Variants in DIP2B observed in about 807,000 individuals in gnomAD.
DIP2B encodes the protein disco-interacting protein 2 homolog B.
DIP2B carries 76 observed loss-of-function variants against 198.0 expected under a neutral mutation model. The observed-to-expected ratio is 0.38, with a 90% CI of 0.32 to 0.46. The LOEUF is 0.46. Among genes scored for constraint, DIP2B ranks in the 20% least tolerant of loss-of-function variants. The probability of loss-of-function intolerance (pLI) is 0.99; values close to 1 mark genes in which losing one functional copy is unlikely to be tolerated. For synonymous variants in DIP2B, 701 were observed against 739.1 expected (o/e 0.95, Z 0.84); for missense variants, 1,559 against 1,978.4 (o/e 0.79, Z 4.02).
At chr12:50,596,080 C>T (rs1474502658) in intron 1 of DIP2B, among the ~76,000 whole-genome samples, 1 of 152,138 alleles carries the variant, frequency 6.6e-6, no homozygotes, top group Non-Finnish European at 1.5e-5. Context: ...TCTGAGAAGT[C>T]CATGGCTGTA....
chr12:50,721,217 T>C (rs1939830059), intron 25 of DIP2B, 56 bp from the exon 26 acceptor site: 8 of 1,591,678 alleles, frequency 5.0e-6, no homozygotes, highest in Non-Finnish European at 6.8e-6. Context: ...GCTGTGCTTA[T>C]TACTGTTTAT....
chr12:50,506,563 G>A (rs1957970245), intron 1 of DIP2B, among the ~76,000 whole-genome samples: 1 of 151,914 alleles, frequency 6.6e-6, no homozygotes, highest in Admixed American at 6.6e-5. Flanking sequence ...CTATCAACAT[G>A]TTATTTTTCA....
chr12:50,538,222 G>A (rs947953362), intron 1 of DIP2B, among the ~76,000 whole-genome samples: 1 of 151,968 alleles, frequency 6.6e-6, no homozygotes, highest in Non-Finnish European at 1.5e-5. Flanking sequence ...TCTCTAATAA[G>A]AAGAAGAGGA....
At chr12:50,598,978 A>T (rs1958912192) in intron 1 of DIP2B, among the ~76,000 whole-genome samples, 1 of 64,222 alleles carries the variant, frequency 1.6e-5, no homozygotes, top group Non-Finnish European at 2.8e-5. Context: ...GGGTCAACAC[A>T]TATAAACATT....
At chr12:50,632,438 CA>C (rs1427896668) in intron 2 of DIP2B, among the ~76,000 whole-genome samples, 1 of 139,252 alleles carries the variant, frequency 7.2e-6, no homozygotes, top group Non-Finnish European at 1.5e-5. Context: ...GAGATTGTGC[CA>C]CTGCACTCCA....
chr12:50,647,674 T>C (rs2731437), intron 3 of DIP2B, among the ~76,000 whole-genome samples: 146,227 of 152,276 alleles, frequency 0.96, 70,487 homozygotes, highest in East Asian at 1. Flanking sequence ...ACACATTTGC[T>C]TTTCAGTCAC....
chr12:50,614,953 C>CT (rs540557585), intron 1 of DIP2B, among the ~76,000 whole-genome samples: 11 of 152,252 alleles, frequency 7.2e-5, no homozygotes, highest in African/African-American at 2.4e-4. Context: ...AAAGCTTTCA[C>CT]TTTTTTTGCG....
intron 1 of DIP2B, among the ~76,000 whole-genome samples, chr12:50,593,901 C>T (rs1160443269): frequency 4.1e-5 from 2 of 48,860 alleles, no homozygotes; most frequent in Admixed American, 2.6e-4. Flanking sequence ...CCTCCCCTCT[C>T]CTCCCCTCCC....
intron 4 of DIP2B, among the ~76,000 whole-genome samples, chr12:50,662,653 A>AT (rs1334833598): frequency 6.6e-6 from 1 of 152,204 alleles, no homozygotes; most frequent in Non-Finnish European, 1.5e-5. Flanking sequence ...TAACCCAGCG[A>AT]TGTGGAATAG....
intron 1 of DIP2B, among the ~76,000 whole-genome samples, chr12:50,513,027 A>G (rs1484230491): frequency 6.6e-6 from 1 of 152,112 alleles, no homozygotes; most frequent in Non-Finnish European, 1.5e-5. Flanking sequence ...ACAAAAAGGA[A>G]TGACACCCTC....
At position 50,535,400 on chromosome 12, in the gene DIP2B, G is replaced by A. The variant is rs914074806; in HGVS notation, c.100+30160G>A. 2.7e-5 allele frequency among the ~76,000 whole-genome samples: 4 copies of A among 145,656 alleles called. No individual in the cohort carries two copies. The South Asian group carries it at 6.4e-4, about 23-fold the overall frequency. ...TTTTTTTTTTTTGAAACAGAGTCTC[G>A]CTGTCACCCAGGCTGGAGTGCAGTG... On this transcript the variant is annotated intron_variant, in intron 1 of 37. Transcript: ENST00000301180.
chr12:50,671,459 G>A, intron 5 of DIP2B, 61 bp downstream of exon 5: 1 of 1,552,338 alleles, frequency 6.4e-7, no homozygotes, highest in Non-Finnish European at 8.9e-7. Flanking sequence ...CAGTATCCAG[G>A]AAATAGTTTA....
intron 21 of DIP2B, among the ~76,000 whole-genome samples, chr12:50,707,151 T>C (rs1224873699): frequency 2.6e-5 from 4 of 152,234 alleles, no homozygotes; most frequent in Non-Finnish European, 5.9e-5. Flanking sequence ...ATTAGATATC[T>C]TTTTTCTTTG....
At position 50,505,119 on chromosome 12, in the gene DIP2B, G is replaced by A; in HGVS notation, c.-22G>A. The stretch of plus-strand genomic sequence containing the variant: ...CTTCGGCCCCCTCTCTTGTCTTCCG[G>A]AGTGTGGCTGGCGGAGCTGGGATGG... On this transcript the variant is annotated 5_prime_UTR_variant, in exon 1 of 38. Coordinates refer to ENST00000301180, the MANE Select transcript of DIP2B (RefSeq NM_173602.3). 6.5e-7 allele frequency: 1 copy of A among 1,530,408 alleles called. No individual in the cohort carries two copies. Among genetic ancestry groups the A allele is most frequent in the Non-Finnish European group, 8.8e-7 (1 of 1,142,812 alleles). The allele number at this position is 1,530,408 out of a possible 1,614,324, so 94.8% of individuals were successfully genotyped here.
intron 1 of DIP2B, among the ~76,000 whole-genome samples, chr12:50,617,159 C>CT (rs63059261): frequency 0.065 from 9,284 of 142,748 alleles, 677 homozygotes; most frequent in East Asian, 0.35. Context: ...GATCTTTTTG[C>CT]TTTTTTTTTT....
chr12:50,604,304 C>T lies in DIP2B; in HGVS notation c.101-21672C>T, dbSNP rs115069919. Reference sequence around the variant, plus strand: ...TGTTGGCAGCATGCAAGCATATATCCAACCTCATTTCATTTTCTTGTGAGC... The same window carrying T: ...TGTTGGCAGCATGCAAGCATATATCTAACCTCATTTCATTTTCTTGTGAGC... On this transcript the variant is annotated intron_variant, in intron 1 of 37. Coordinates refer to ENST00000301180, the MANE Select transcript of DIP2B (RefSeq NM_173602.3). Among the ~76,000 whole-genome samples, 1,255 of 152,022 alleles carry T rather than the reference C, an allele frequency of 8.3e-3. 20 individuals are homozygous for T. The highest frequency in any genetic ancestry group is 0.028 in the African/African-American group (1,182 of 41,482).
At chr12:50,722,772 C>A (rs954636826) in intron 26 of DIP2B, among the ~76,000 whole-genome samples, 1 of 152,144 alleles carries the variant, frequency 6.6e-6, no homozygotes, top group Non-Finnish European at 1.5e-5. Context: ...AAACTCATAC[C>A]CCTTCAACAA....
chr12:50,680,758 G>A lies in DIP2B; in HGVS notation c.1201G>A (p.Asp401Asn). The A allele has an allele frequency of 6.2e-7, 1 of 1,613,768 alleles. No individual in the cohort carries two copies. Among genetic ancestry groups the A allele is most frequent in the Non-Finnish European group, 8.5e-7 (1 of 1,179,876 alleles). Residue 401 changes from aspartate (D) to asparagine (N), a missense_variant, in exon 9 of 38, where the codon GAC becomes AAC. Physicochemically the swap from Asp to Asn is conservative, Grantham distance 23. Coordinates refer to ENST00000301180, the MANE Select transcript of DIP2B (RefSeq NM_173602.3). Reference protein sequence around the residue: ...TKNEPVLKPGDRVALVYPNND... With the variant: ...TKNEPVLKPGNRVALVYPNND... ...AAATGAACCTGTGTTAAAACCTGGA[G>A]ACAGGGTAATTGGTGTGATTTTGGT...
At chr12:50,544,456 G>C (rs181336538) in intron 1 of DIP2B, among the ~76,000 whole-genome samples, 3 of 152,136 alleles carry the variant, frequency 2.0e-5, no homozygotes, top group Admixed American at 1.3e-4. Flanking sequence ...GCAGGTGCCT[G>C]CCACTACGCC....
Sources: allele counts gnomAD v4.1 joint callset (sites outside exome capture counted in the v4.1 genomes callset), GRCh38; gene constraint gnomAD v4.1.1; transcripts MANE v1.5; gene names NCBI Gene and HGNC (gene_info 2026-07-23, HGNC 2026-07-21).